Variants in PTH2R observed in about 807,000 individuals in gnomAD.
PTH2R encodes the protein PTH2 receptor.
A neutral mutation model predicts 60.3 loss-of-function variants in PTH2R; 59 were observed. The ratio of observed to expected loss-of-function variants is 0.98; its 90% CI spans 0.79 to 1.22. PTH2R has a LOEUF of 1.22. Among genes scored for constraint, PTH2R ranks in the 50% most tolerant of loss-of-function variants. The pLI, the probability that PTH2R is intolerant of heterozygous loss-of-function variation, is 0.00. For synonymous variants in PTH2R, 256 were observed against 243.8 expected (o/e 1.05, Z -0.47); for missense variants, 749 against 682.6 (o/e 1.10, Z -1.08).
intron 9 of PTH2R, among the ~76,000 whole-genome samples, chr2:208,465,716 A>T (rs922487024): frequency 6.6e-5 from 10 of 151,784 alleles, no homozygotes; most frequent in East Asian, 5.8e-4. Context: ...CTTTTTTTTT[A>T]AAAAAATATT....
chr2:208,458,622 C>G (rs930260284), intron 8 of PTH2R, among the ~76,000 whole-genome samples: 1 of 152,052 alleles, frequency 6.6e-6, no homozygotes, highest in Non-Finnish European at 1.5e-5. Flanking sequence ...CAAGTACACC[C>G]CAGTGTCTGT....
At chr2:208,479,900 A>G in intron 9 of PTH2R, among the ~76,000 whole-genome samples, 1 of 152,220 alleles carries the variant, frequency 6.6e-6, no homozygotes, top group East Asian at 1.9e-4. Context: ...GTTTTAAATT[A>G]GAAAATGTTT....
intron 1 of PTH2R, among the ~76,000 whole-genome samples, chr2:208,364,308 A>G (rs1033794166): frequency 6.6e-6 from 1 of 152,158 alleles, no homozygotes; most frequent in African/African-American, 2.4e-5. Flanking sequence ...ATCCACATTC[A>G]ATGTCCTGAC....
intron 1 of PTH2R, among the ~76,000 whole-genome samples, chr2:208,416,148 A>T (rs1439355987): frequency 6.6e-6 from 1 of 152,170 alleles, no homozygotes; most frequent in African/African-American, 2.4e-5. Context: ...CTTGAAAAAT[A>T]GTCTGTGTGG....
chr2:208,374,448 T>C (rs1279764574), intron 1 of PTH2R, among the ~76,000 whole-genome samples: 1 of 152,128 alleles, frequency 6.6e-6, no homozygotes, highest in Admixed American at 6.5e-5. Flanking sequence ...GTTTAGCACT[T>C]GTTTGAAATC....
At chr2:208,427,859 G>GTATATTATCTCTAA (rs1701888754) in intron 1 of PTH2R, among the ~76,000 whole-genome samples, 1 of 150,384 alleles carries the variant, frequency 6.6e-6, no homozygotes. Context: ...ATTTTTTGTA[G>GTATATTATCTCTAA]TATATTATCT....
chr2:208,413,306 C>T (rs1488720654), intron 1 of PTH2R, among the ~76,000 whole-genome samples: 4 of 152,182 alleles, frequency 2.6e-5, no homozygotes, highest in Admixed American at 1.3e-4. Context: ...ATGGTATGTG[C>T]TCCCCATGTG....
chr2:208,403,058 C>G (rs1701339326), upstream of PTH2R, among the ~76,000 whole-genome samples: 1 of 152,062 alleles, frequency 6.6e-6, no homozygotes. Context: ...ATCTCTAAGG[C>G]TTGTTTGGGG....
At chr2:208,437,955 G>T in intron 4 of PTH2R, 74 bp downstream of exon 4, 3 of 1,535,930 alleles carry the variant, frequency 2.0e-6, no homozygotes, top group East Asian at 2.3e-5. Context: ...TCAATTGCCA[G>T]CCATTATGTA....
At chr2:208,429,037 A>G (rs1701916805) in intron 2 of PTH2R, among the ~76,000 whole-genome samples, 1 of 150,542 alleles carries the variant, frequency 6.6e-6, no homozygotes, top group Non-Finnish European at 1.5e-5. Context: ...GTGAGCTGAG[A>G]TCGCACCATT....
intron 1 of PTH2R, among the ~76,000 whole-genome samples, chr2:208,424,667 C>T (rs75374668): frequency 6.6e-6 from 1 of 152,226 alleles, no homozygotes; most frequent in African/African-American, 2.4e-5. Context: ...AAGTGATTGG[C>T]GACTGGGAGT....
chr2:208,490,396 T>A (rs1049962852), intron 11 of PTH2R, among the ~76,000 whole-genome samples: 2 of 152,206 alleles, frequency 1.3e-5, no homozygotes, highest in Admixed American at 1.3e-4. Context: ...AGAAACCTAT[T>A]CCTTGTGTAT....
At chr2:208,377,612 G>A (rs7582480) in intron 1 of PTH2R, among the ~76,000 whole-genome samples, 59,337 of 150,170 alleles carry the variant, frequency 0.4, 12,079 homozygotes, top group East Asian at 0.54. Context: ...ACCTGCCTCC[G>A]GGACAGGGTG....
intron 9 of PTH2R, among the ~76,000 whole-genome samples, chr2:208,472,695 A>G (rs1248172606): frequency 6.6e-6 from 1 of 152,226 alleles, no homozygotes. Flanking sequence ...CTTTATCAGC[A>G]GCATGTAAAT....
chr2:208,409,016 C>A (rs895917097), intron 1 of PTH2R, among the ~76,000 whole-genome samples: 3 of 152,096 alleles, frequency 2.0e-5, no homozygotes, highest in Admixed American at 6.5e-5. Flanking sequence ...CCCCCCTCCC[C>A]CTAACTGAGA....
At chr2:208,475,996 A>AT in intron 9 of PTH2R, among the ~76,000 whole-genome samples, 1 of 152,062 alleles carries the variant, frequency 6.6e-6, no homozygotes, top group East Asian at 1.9e-4. Flanking sequence ...ACTGAGCTAA[A>AT]TTTTTTTTAA....
At chr2:208,420,716 T>A (rs1444715712) in intron 1 of PTH2R, among the ~76,000 whole-genome samples, 1 of 152,214 alleles carries the variant, frequency 6.6e-6, no homozygotes, top group Non-Finnish European at 1.5e-5. Flanking sequence ...AATGGTAACA[T>A]CTTTCATTAC....
At chr2:208,412,220 A>G (rs996445824) in intron 1 of PTH2R, among the ~76,000 whole-genome samples, 2 of 152,202 alleles carry the variant, frequency 1.3e-5, no homozygotes, top group African/African-American at 4.8e-5. Flanking sequence ...TTTTGCTCAA[A>G]ATTTGTTTCC....
In PTH2R at chr2:208,489,053, G is replaced by C. The variant is rs750011803; in HGVS notation, c.1118G>C (p.Gly373Ala). 1.2e-6 allele frequency: 2 copies of C among 1,614,048 alleles called. No individual in the cohort carries two copies. Among genetic ancestry groups the C allele is most frequent in the South Asian group, 2.2e-5 (2 of 91,068 alleles). ...ACACTGGTCCTGGTCCTAGTCTTTG[G>C]AGTGCATTACATCGTGTTCGTATGC... Reference protein sequence around the residue: ...KSTLVLVLVFGVHYIVFVCLP... With the variant: ...KSTLVLVLVFAVHYIVFVCLP... The change falls in exon 11 of 13, where the codon GGA (glycine) becomes GCA (alanine). Residue 373 changes from glycine (G) to alanine (A), a missense_variant. Physicochemically the swap from Gly to Ala is moderately conservative, Grantham distance 60. Coordinates refer to ENST00000272847, the MANE Select transcript of PTH2R (RefSeq NM_005048.4).
Sources: allele counts gnomAD v4.1 joint callset (sites outside exome capture counted in the v4.1 genomes callset), GRCh38; gene constraint gnomAD v4.1.1; transcripts MANE v1.5; gene names NCBI Gene and HGNC (gene_info 2026-07-23, HGNC 2026-07-21).